DCC: variants seen among roughly 807,000 people sequenced by gnomAD.
DCC encodes the protein DCC netrin 1 receptor.
DCC carries 58 observed loss-of-function variants against 172.5 expected under a neutral mutation model. That is an observed-to-expected ratio of 0.34 (90% CI 0.27 to 0.42). The LOEUF (loss-of-function observed/expected upper bound fraction) is 0.42. Among genes scored for constraint, DCC ranks in the 10% least tolerant of loss-of-function variants. DCC has a pLI of 1.00. For synonymous variants in DCC, 709 were observed against 644.5 expected, an observed-to-expected ratio of 1.10 and a Z score of -1.52; for missense variants, 1,740 against 1,791.0, an observed-to-expected ratio of 0.97 and a Z score of 0.51.
At chr18:53,018,916 A>G (rs985779633) in intron 5 of DCC, among the ~76,000 whole-genome samples, 3 of 152,108 alleles carry the variant, frequency 2.0e-5, no homozygotes, top group Non-Finnish European at 4.4e-5. Context: ...TGTTTTTTCA[A>G]TGTCTTTTCT....
chr18:52,977,720 C>G (rs942703343), intron 5 of DCC, among the ~76,000 whole-genome samples: 3 of 151,718 alleles, frequency 2.0e-5, no homozygotes, highest in Non-Finnish European at 4.4e-5. Context: ...CCCGTCACTA[C>G]TAAAAATACA....
chr18:52,558,084 A>G (rs1263957302), intron 1 of DCC, among the ~76,000 whole-genome samples: 1 of 152,110 alleles, frequency 6.6e-6, no homozygotes, highest in Admixed American at 6.6e-5. Flanking sequence ...ATACTATGTT[A>G]ATACAAACTT....
At chr18:52,631,627 T>C (rs939590494) in intron 1 of DCC, among the ~76,000 whole-genome samples, 4 of 152,214 alleles carry the variant, frequency 2.6e-5, no homozygotes, top group African/African-American at 9.7e-5. Flanking sequence ...GTGCTGGGCT[T>C]GTCTGTGCTG....
chr18:52,382,200 C>A (rs1445881225), intron 1 of DCC, among the ~76,000 whole-genome samples: 2 of 152,036 alleles, frequency 1.3e-5, no homozygotes, highest in East Asian at 1.9e-4. Flanking sequence ...CTGTCATAGA[C>A]CACGCAGTCA....
intron 1 of DCC, among the ~76,000 whole-genome samples, chr18:52,581,475 G>A (rs1461531257): frequency 2.0e-5 from 3 of 152,156 alleles, no homozygotes; most frequent in Non-Finnish European, 4.4e-5. Flanking sequence ...TCTAGATGTA[G>A]TTGGAGCTCA....
At chr18:52,909,017 T>A (rs2039930266) in intron 3 of DCC, among the ~76,000 whole-genome samples, 1 of 152,106 alleles carries the variant, frequency 6.6e-6, no homozygotes, top group African/African-American at 2.4e-5. Flanking sequence ...TAACACATTC[T>A]CGAGTTTGCA....
rs542339166 is a variant in DCC at position 53,534,127 on chromosome 18, A to C, written c.*3474A>C. The C allele has an allele frequency of 6.6e-6, 1 of 152,206 alleles. No individual in the cohort carries two copies. The highest frequency in any genetic ancestry group is 1.5e-5 in the Non-Finnish European group (1 of 68,046). 9.4% of individuals were successfully genotyped at this position (152,206 alleles called of 1,614,324 possible). On this transcript the variant is annotated 3_prime_UTR_variant, in exon 29 of 29. Transcript: ENST00000442544. Reference sequence around the variant, plus strand: ...TCTTATGGTTGTCCCCAAATGTAATATGGTATCTCAGATATAGCAGCTGGA... The same window carrying C: ...TCTTATGGTTGTCCCCAAATGTAATCTGGTATCTCAGATATAGCAGCTGGA...
At chr18:52,833,840 T>TAA (rs1568132966) in intron 2 of DCC, among the ~76,000 whole-genome samples, 2 of 151,156 alleles carry the variant, frequency 1.3e-5, no homozygotes, top group South Asian at 2.1e-4. Context: ...AAAAAAAATT[T>TAA]TTTTGTAGAG....
In DCC at chr18:53,081,245, T is replaced by C. The variant is rs200440186; in HGVS notation, c.1261+15079T>C. ...AATAGTTTAATATGGATTTATGTAA[T>C]GAGTTCACAAATTGATTTTGCAGAG... On this transcript the variant is annotated intron_variant, in intron 7 of 28. Transcript: ENST00000442544. 5.9e-5 allele frequency among the ~76,000 whole-genome samples: 9 copies of C among 152,200 alleles called. No individual in the cohort carries two copies. The East Asian group carries it at 1.7e-3, about 29-fold the overall frequency.
chr18:52,879,412 C>CTTTTTTTTTTTTTTTTT lies in DCC; in HGVS notation c.413-26619_413-26603dup, dbSNP rs71175533. 6.7e-3 allele frequency among the ~76,000 whole-genome samples: 419 copies of CTTTTTTTTTTTTTTTTT among 62,274 alleles called. 97 individuals are homozygous for CTTTTTTTTTTTTTTTTT. The highest frequency in any genetic ancestry group is 7.8e-3 in the Non-Finnish European group (267 of 34,272). 40.9% of individuals were successfully genotyped at this position (62,274 alleles called of 152,430 possible). A position where few individuals can be genotyped will look rare whatever the true frequency, so the allele number is the denominator to read the frequency against. Reference sequence around the variant, plus strand: ...AATTTCTAGCCCATATGTTGTTTGGCTTTTTTTTTTTTTTTTTTTTTTTTT... The same window carrying CTTTTTTTTTTTTTTTTT: ...AATTTCTAGCCCATATGTTGTTTGGCTTTTTTTTTTTTTTTTTTTTTTTTTTTTTTTTTTTTTTTTTT... On this transcript the variant is annotated intron_variant, in intron 2 of 28. Transcript: ENST00000442544.
intron 1 of DCC, among the ~76,000 whole-genome samples, chr18:52,715,275 AAC>A (rs1437896596): frequency 4.3e-5 from 6 of 138,670 alleles, no homozygotes; most frequent in African/African-American, 1.6e-4. Flanking sequence ...AATAAAAAAA[AAC>A]ACTACATTTT....
intron 5 of DCC, among the ~76,000 whole-genome samples, chr18:52,938,385 C>T (rs73960012): frequency 0.021 from 3,258 of 152,148 alleles, 113 homozygotes; most frequent in African/African-American, 0.075. Flanking sequence ...CTGGTAGTGG[C>T]AATAAGCTGT....
At chr18:52,718,677 C>T (rs1032972610) in intron 1 of DCC, among the ~76,000 whole-genome samples, 5 of 152,194 alleles carry the variant, frequency 3.3e-5, no homozygotes, top group Admixed American at 2.6e-4. Flanking sequence ...GCAGAGGCTG[C>T]TTATATCGCA....
chr18:53,388,386 G>T (rs966112429), intron 16 of DCC, among the ~76,000 whole-genome samples: 31 of 152,200 alleles, frequency 2.0e-4, no homozygotes, highest in African/African-American at 7.5e-4. Flanking sequence ...CTTCTGCAAA[G>T]GCATACCATG....
At chr18:52,424,185 T>C (rs1303836910) in intron 1 of DCC, among the ~76,000 whole-genome samples, 2 of 152,180 alleles carry the variant, frequency 1.3e-5, no homozygotes, top group Non-Finnish European at 2.9e-5. Flanking sequence ...GAATATTATA[T>C]TAAAACCTAC....
At chr18:53,303,825 G>C (rs946627661) in intron 12 of DCC, among the ~76,000 whole-genome samples, 7 of 152,140 alleles carry the variant, frequency 4.6e-5, no homozygotes, top group African/African-American at 1.7e-4. Context: ...TGCCTTCTTG[G>C]TACCTGGGTT....
intron 27 of DCC, among the ~76,000 whole-genome samples, chr18:53,504,940 CTAACTT>C (rs1451747729): frequency 6.6e-6 from 1 of 151,960 alleles, no homozygotes; most frequent in Non-Finnish European, 1.5e-5. Context: ...GTTTTTTTAA[CTAACTT>C]TGAAGATAGA....
intron 27 of DCC, among the ~76,000 whole-genome samples, chr18:53,500,907 C>T (rs2046090008): frequency 6.6e-6 from 1 of 152,056 alleles, no homozygotes; most frequent in Non-Finnish European, 1.5e-5. Flanking sequence ...ATACACACTC[C>T]ACACATACTA....
At chr18:53,468,704 T>G (rs968011547) in intron 25 of DCC, among the ~76,000 whole-genome samples, 1 of 152,148 alleles carries the variant, frequency 6.6e-6, no homozygotes, top group East Asian at 1.9e-4. Context: ...TTAAATAAAC[T>G]TTTTAATGAG....
Sources: allele counts gnomAD v4.1 joint callset (sites outside exome capture counted in the v4.1 genomes callset), GRCh38; gene constraint gnomAD v4.1.1; transcripts MANE v1.5; gene names NCBI Gene and HGNC (gene_info 2026-07-23, HGNC 2026-07-21).